Variants in GNL1 observed in about 807,000 individuals in gnomAD.
GNL1 encodes G protein nucleolar 1.
A neutral mutation model predicts 75.2 loss-of-function variants in GNL1; 21 were observed. The ratio of observed to expected loss-of-function variants is 0.28; its 90% confidence interval spans 0.20 to 0.40. The LOEUF is 0.40. Ranked by LOEUF, GNL1 falls within the 10% of genes least tolerant of loss-of-function variation. GNL1 has a pLI of 1.00. For missense variants in GNL1, 579 were observed against 775.0 expected (o/e 0.75, Z 3.00); for synonymous variants, 287 against 303.4 (o/e 0.95, Z 0.56).
chr6:30,552,734 G>T lies in GNL1; in HGVS notation c.905-73C>A. On this transcript the variant is annotated intron_variant, in intron 7 of 11. Transcript: ENST00000376621. The surrounding 1 kb of genome is among the most constrained non-coding windows in gnomAD (Gnocchi z 4.5). The stretch of plus-strand genomic sequence containing the variant: ...TGCATGATGGCACATACTGTGCCCT[G>T]CACAGATTATGTAACTGGCACCCTC... 1 of 1,344,166 alleles carries T rather than the reference G, an allele frequency of 7.4e-7. No individual in the cohort carries two copies. Among genetic ancestry groups the T allele is most frequent in the African/African-American group, 1.4e-5 (1 of 68,982 alleles). 83.3% of individuals were successfully genotyped at this position (1,344,166 alleles called of 1,614,324 possible).
chr6:30,547,554 C>A lies in GNL1; in HGVS notation c.1100-24G>T. Reference sequence around the variant, plus strand: ...ACCTGAGGAAGGCAAGGAAAATTAACGTTTAACAGGTTTCTACTCTGTGAT... The same window carrying A: ...ACCTGAGGAAGGCAAGGAAAATTAAAGTTTAACAGGTTTCTACTCTGTGAT... On this transcript the variant is annotated intron_variant, in intron 8 of 11. Transcript: ENST00000376621. The surrounding 1 kb of genome is among the most constrained non-coding windows in gnomAD (Gnocchi z 5.5). The A allele has an allele frequency of 6.2e-7, 1 of 1,605,644 alleles. No homozygotes were observed. Among genetic ancestry groups the A allele is most frequent in the Non-Finnish European group, 8.5e-7 (1 of 1,172,938 alleles).
In GNL1 at chr6:30,546,768, T is replaced by C. The variant is rs770684963; in HGVS notation, c.1510A>G (p.Ser504Gly). The C allele has an allele frequency of 2.5e-6, 4 of 1,608,880 alleles. No homozygotes were observed. Among genetic ancestry groups the C allele is most frequent in the Non-Finnish European group, 3.4e-6 (4 of 1,176,474 alleles). ...ARNDVYRAAN[S>G]LLRLAVDGRL... ...CCGTCCACTGCCAGCCGCAAGAGAC[T>C]GTTGGCTGCTCTGTACACATCATTC... Residue 504 changes from serine (S) to glycine (G), a missense_variant, in exon 11 of 12, where the codon AGT becomes GGT. By Grantham distance (56) the Ser-to-Gly change is moderately conservative. Coordinates refer to ENST00000376621, the MANE Select transcript of GNL1 (RefSeq NM_005275.5). This position sits in a 1 kb window ranked among gnomAD's most constrained non-coding sequence, Gnocchi z 5.1.
chr6:30,550,380 A>G (rs1168658649), intron 8 of GNL1, among the ~76,000 whole-genome samples: 1 of 152,062 alleles, frequency 6.6e-6, no homozygotes, highest in Non-Finnish European at 1.5e-5. Flanking sequence ...CTCAAGACAA[A>G]AACCTGGAAG....
At position 30,556,094 on chromosome 6, in the gene GNL1, C is replaced by G. The variant is rs756250231; in HGVS notation, c.73+37G>C. The G allele has an allele frequency of 4.8e-5, 77 of 1,594,102 alleles. No homozygotes were observed. Among genetic ancestry groups the G allele is most frequent in the Middle Eastern group, 1.7e-4 (1 of 6,046 alleles). ...ACCCCTCCTTCCAGATGTGCGGAAG[C>G]CCGAGCCCCGCCCCCTCCTCCCGCT... is the stretch of plus-strand genomic sequence containing the variant. On this transcript the variant is annotated intron_variant, in intron 1 of 11. Transcript: ENST00000376621. This position sits in a 1 kb window ranked among gnomAD's most constrained non-coding sequence, Gnocchi z 5.7.
At position 30,546,175 on chromosome 6, in the gene GNL1, G is replaced by A. The variant is rs1302296922; in HGVS notation, c.1721C>T (p.Ala574Val). 2.6e-6 allele frequency: 4 copies of A among 1,553,192 alleles called. No homozygotes were observed. The highest frequency in any genetic ancestry group is 1.2e-5 in the South Asian group (1 of 84,976). The change falls in exon 12 of 12, where the codon GCG (alanine) becomes GTG (valine). Residue 574 changes from alanine (A) to valine (V), a missense_variant. Ala to Val is a moderately conservative substitution (Grantham distance 64). Coordinates refer to ENST00000376621, the MANE Select transcript of GNL1 (RefSeq NM_005275.5). This position sits in a 1 kb window ranked among gnomAD's most constrained non-coding sequence, Gnocchi z 5.1. ...CTCATCCCCTTCTCCCTCCTCATCCGCATCCCGGTCCTCCTCTCCCTCCTC... is the reference window on the plus strand; with the variant it reads ...CTCATCCCCTTCTCCCTCCTCATCCACATCCCGGTCCTCCTCTCCCTCCTC... ...CEEEGEEDRD[A>V]DEEGEGDEET...
rs1800198063 is a variant in GNL1 at position 30,556,387 on chromosome 6, T to G, written c.-184A>C. The G allele has an allele frequency of 1.9e-5, 12 of 641,216 alleles. No individual in the cohort carries two copies. In the Admixed American group the frequency reaches 2.5e-4, roughly 13 times the overall value. 39.7% of individuals were successfully genotyped at this position (641,216 alleles called of 1,614,324 possible). On this transcript the variant is annotated 5_prime_UTR_variant, in exon 1 of 12. Coordinates refer to ENST00000376621, the MANE Select transcript of GNL1 (RefSeq NM_005275.5). This position sits in a 1 kb window ranked among gnomAD's most constrained non-coding sequence, Gnocchi z 5.7. ...GGCGATGGAAGGCGGACGGGGGAGA[T>G]ATAGTCACTTCCCTCCAGGAGCGAG...
chr6:30,555,436 A>G lies in GNL1; in HGVS notation c.239+119T>C. On this transcript the variant is annotated intron_variant, in intron 2 of 11. Coordinates refer to ENST00000376621, the MANE Select transcript of GNL1 (RefSeq NM_005275.5). This position sits in a 1 kb window ranked among gnomAD's most constrained non-coding sequence, Gnocchi z 4.3. ...GCCCGCTGTGGGGAGCCGAGTGGCT[A>G]GCGGAGAACTGTGGCATCCCAGGCC... 9.4e-7 allele frequency: 1 copy of G among 1,068,106 alleles called. No homozygotes were observed. The highest frequency in any genetic ancestry group is 1.4e-6 in the Non-Finnish European group (1 of 728,636). The allele number at this position is 1,068,106 out of a possible 1,614,324, so 66.2% of individuals were successfully genotyped here. A position where few individuals can be genotyped will look rare whatever the true frequency, so the allele number is the denominator to read the frequency against.
At position 30,547,406 on chromosome 6, in the gene GNL1, C is replaced by A; in HGVS notation, c.1224G>T (p.Lys408Asn). ...FQTYFLTPSVKLCDCPGLIFP... is the reference protein window; with the variant it reads ...FQTYFLTPSVNLCDCPGLIFP... ...AGATGAGGCCTGGGCAGTCACAGAG[C>A]TTCACAGAGGGGGTAAGAAAGTAGG... The change falls in exon 9 of 12, where the codon AAG becomes AAT. Residue 408 changes from lysine (K) to asparagine (N), a missense_variant. Physicochemically the swap from Lys to Asn is moderately conservative, Grantham distance 94. Coordinates refer to ENST00000376621, the MANE Select transcript of GNL1 (RefSeq NM_005275.5). The surrounding 1 kb of genome is among the most constrained non-coding windows in gnomAD (Gnocchi z 5.5). 6.2e-7 allele frequency: 1 copy of A among 1,613,822 alleles called. No individual in the cohort carries two copies. The highest frequency in any genetic ancestry group is 2.2e-5 in the East Asian group (1 of 44,870).
chr6:30,548,879 T>C lies in GNL1; in HGVS notation c.1100-1349A>G, dbSNP rs1799596290. Among the ~76,000 whole-genome samples the C allele has an allele frequency of 6.6e-6, 1 of 152,232 alleles. No homozygotes were observed. The highest frequency in any genetic ancestry group is 2.4e-5 in the African/African-American group (1 of 41,456). On this transcript the variant is annotated intron_variant, in intron 8 of 11. Transcript: ENST00000376621. The surrounding 1 kb of genome is among the most constrained non-coding windows in gnomAD (Gnocchi z 4.2). ...ACCTACTTTTTTCACCATTTCTTCC[T>C]GCTATCTTCTTTGTAACTGTAAACT...
rs2127369139 is a variant in GNL1, at chr6:30,548,368, C to G, written c.1100-838G>C. 6.6e-6 allele frequency among the ~76,000 whole-genome samples: 1 copy of G among 152,170 alleles called. No individual in the cohort carries two copies. Among genetic ancestry groups the G allele is most frequent in the South Asian group, 2.1e-4 (1 of 4,814 alleles). ...CCCACTCCCATGGTAATACCTGCAT[C>G]TTGTCACTTCACAGCTCCAAAGCCT... On this transcript the variant is annotated intron_variant, in intron 8 of 11. Transcript: ENST00000376621. The surrounding 1 kb of genome is among the most constrained non-coding windows in gnomAD (Gnocchi z 4.2).
rs945914304 is a variant in GNL1, at chr6:30,543,603, T to A, written c.*2469A>T. 10 of 152,358 alleles carry A rather than the reference T, an allele frequency of 6.6e-5. 1 individual carries two copies. The highest frequency in any genetic ancestry group is 2.0e-4 in the Admixed American group (3 of 15,308). 9.4% of individuals were successfully genotyped at this position (152,358 alleles called of 1,614,324 possible). ...GAGCTATTGTATTATATTATTATTA[T>A]TCTATTCCTACCCTCTATTGCTTGA... On this transcript the variant is annotated 3_prime_UTR_variant, in exon 12 of 12. Transcript: ENST00000376621.
In GNL1 at chr6:30,542,237, G is replaced by A. The variant is rs1315137424; in HGVS notation, c.*3835C>T. ...CATGGAGGCCCCTCTCGTTGCTGGTGGATACTCGTTCATTTTCCCCGCCAC... is the reference window on the plus strand; with the variant it reads ...CATGGAGGCCCCTCTCGTTGCTGGTAGATACTCGTTCATTTTCCCCGCCAC... On this transcript the variant is annotated 3_prime_UTR_variant, in exon 12 of 12. Coordinates refer to ENST00000376621, the MANE Select transcript of GNL1 (RefSeq NM_005275.5). This position sits in a 1 kb window ranked among gnomAD's most constrained non-coding sequence, Gnocchi z 4.5. 6.7e-6 allele frequency: 1 copy of A among 150,106 alleles called. No individual in the cohort carries two copies. Among genetic ancestry groups the A allele is most frequent in the African/African-American group, 2.5e-5 (1 of 40,660 alleles). The allele number at this position is 150,106 out of a possible 1,614,324, so 9.3% of individuals were successfully genotyped here.
Position 30,556,104 on chromosome 6 carries a change from G to GC in GNL1, c.73+26dup. ...CCAGATGTGCGGAAGCCCGAGCCCC[G>GC]CCCCCTCCTCCCGCTCCCGCACTGA... On this transcript the variant is annotated intron_variant, in intron 1 of 11. Transcript: ENST00000376621. The surrounding 1 kb of genome is among the most constrained non-coding windows in gnomAD (Gnocchi z 5.7). 1.9e-6 allele frequency: 3 copies of GC among 1,594,988 alleles called. No homozygotes were observed. The highest frequency in any genetic ancestry group is 2.6e-6 in the Non-Finnish European group (3 of 1,173,598).
In GNL1 at chr6:30,555,520, G is replaced by T; in HGVS notation, c.239+35C>A. The T allele has an allele frequency of 6.3e-7, 1 of 1,587,178 alleles. No homozygotes were observed. ...CAAAGCTCTGACTTCCGGGTAGGCG[G>T]GAAAGCCGGGACCAGCGCCCCCTCC... On this transcript the variant is annotated intron_variant, in intron 2 of 11. Transcript: ENST00000376621. The surrounding 1 kb of genome is among the most constrained non-coding windows in gnomAD (Gnocchi z 4.3).
chr6:30,550,313 C>T (rs1371948814), intron 8 of GNL1, among the ~76,000 whole-genome samples: 1 of 152,114 alleles, frequency 6.6e-6, no homozygotes, highest in Admixed American at 6.6e-5. Context: ...CCCTCTCCTC[C>T]CCAAAGCCTT....
At position 30,552,368 on chromosome 6, in the gene GNL1, C is replaced by G; in HGVS notation, c.1099+99G>C. 2.0e-6 allele frequency: 2 copies of G among 1,008,692 alleles called. No individual in the cohort carries two copies. Among genetic ancestry groups the G allele is most frequent in the Admixed American group, 4.3e-5 (2 of 46,308 alleles). The allele number at this position is 1,008,692 out of a possible 1,614,324, so 62.5% of individuals were successfully genotyped here. A position where few individuals can be genotyped will look rare whatever the true frequency, so the allele number is the denominator to read the frequency against. ...CTGGCAGAGATCACCCCTCAGACAC[C>G]CTGGGGCCTAATGAGACCTGATCGC... On this transcript the variant is annotated intron_variant, in intron 8 of 11. Coordinates refer to ENST00000376621, the MANE Select transcript of GNL1 (RefSeq NM_005275.5). The surrounding 1 kb of genome is among the most constrained non-coding windows in gnomAD (Gnocchi z 4.5).
At chr6:30,549,735 A>G (rs888682625) in intron 8 of GNL1, among the ~76,000 whole-genome samples, 2 of 151,394 alleles carry the variant, frequency 1.3e-5, no homozygotes, top group Non-Finnish European at 2.9e-5. Flanking sequence ...CCTTTGCCCA[A>G]CTAAATGCTG....
intron 3 of GNL1, 59 bp downstream of exon 3, chr6:30,554,996 T>G: frequency 6.2e-7 from 1 of 1,610,764 alleles, no homozygotes; most frequent in Non-Finnish European, 8.5e-7. Flanking sequence ...TTCCTCACAG[T>G]CGGCTTTTAC....
Position 30,555,979 on chromosome 6 carries a change from G to A in GNL1, c.73+152C>T, listed in dbSNP as rs1300442691. 1.0e-6 allele frequency: 1 copy of A among 974,794 alleles called. No individual in the cohort carries two copies. The highest frequency in any genetic ancestry group is 1.5e-6 in the Non-Finnish European group (1 of 646,774). 60.4% of individuals were successfully genotyped at this position (974,794 alleles called of 1,614,324 possible). On this transcript the variant is annotated intron_variant, in intron 1 of 11. Coordinates refer to ENST00000376621, the MANE Select transcript of GNL1 (RefSeq NM_005275.5). This position sits in a 1 kb window ranked among gnomAD's most constrained non-coding sequence, Gnocchi z 4.3. Reference sequence around the variant, plus strand: ...CCTTCCCCACCCCTTCCAGATGTAGGGGGGGTGGGGGATCCCCTCCGCGAT... The same window carrying A: ...CCTTCCCCACCCCTTCCAGATGTAGAGGGGGTGGGGGATCCCCTCCGCGAT...
Sources: allele counts gnomAD v4.1 joint callset (sites outside exome capture counted in the v4.1 genomes callset), GRCh38; gene constraint gnomAD v4.1.1; non-coding constraint Gnocchi (gnomAD v3.1); transcripts MANE v1.5; gene names NCBI Gene and HGNC (gene_info 2026-07-23, HGNC 2026-07-21).